ZPBP: variants seen among roughly 807,000 people sequenced by gnomAD.
The protein encoded by ZPBP is zona pellucida-binding protein 1.
In ZPBP, 26 loss-of-function variants were observed where a neutral mutation model predicts 44.8. That is an observed-to-expected ratio of 0.58 (90% CI 0.43 to 0.81). The LOEUF is 0.81. ZPBP is among the 30% of genes least tolerant of loss of function. The probability of loss-of-function intolerance (pLI) is 0.00; values close to 1 mark genes in which losing one functional copy is unlikely to be tolerated. For missense variants in ZPBP, 409 were observed against 434.0 expected (o/e 0.94, Z 0.51); for synonymous variants, 174 against 153.2 (o/e 1.14, Z -1.00).
chr7:49,877,202 C>G (rs986828587), intron 2 of ZPBP, among the ~76,000 whole-genome samples: 3 of 151,820 alleles, frequency 2.0e-5, no homozygotes, highest in African/African-American at 7.3e-5. Context: ...TGGCTCATGC[C>G]TGTAATCCCA....
Position 50,080,790 on chromosome 7 carries a change from A to T in ZPBP, c.334+984T>A, listed in dbSNP as rs1317584519. On this transcript the variant is annotated intron_variant, in intron 3 of 7. Transcript: ENST00000046087. Reference sequence around the variant, plus strand: ...AAACTTATTAGAATTTCTGTTGTTGAGCCCTGCTGATCCCATGAACAAATT... The same window carrying T: ...AAACTTATTAGAATTTCTGTTGTTGTGCCCTGCTGATCCCATGAACAAATT... Among the ~76,000 whole-genome samples, 4 of 151,852 alleles carry T rather than the reference A, an allele frequency of 2.6e-5. No homozygotes were observed. The East Asian group carries it at 7.7e-4, about 29-fold the overall frequency.
At chr7:50,071,117 A>G (rs1018209738) in intron 3 of ZPBP, among the ~76,000 whole-genome samples, 1 of 152,208 alleles carries the variant, frequency 6.6e-6, no homozygotes, top group African/African-American at 2.4e-5. Context: ...TTAAAAATCC[A>G]AAATCACCAA....
intron 1 of ZPBP, among the ~76,000 whole-genome samples, chr7:49,903,206 T>C (rs913011454): frequency 6.6e-6 from 1 of 152,216 alleles, no homozygotes; most frequent in Non-Finnish European, 1.5e-5. Flanking sequence ...CTTATAAAAC[T>C]AAATACTCAG....
At chr7:50,080,024 A>G (rs1167906160) in intron 3 of ZPBP, among the ~76,000 whole-genome samples, 2 of 151,708 alleles carry the variant, frequency 1.3e-5, no homozygotes, top group African/African-American at 4.8e-5. Flanking sequence ...AAACAACTTG[A>G]GTATTTTCTC....
chr7:49,981,285 ATATAATATAT>A (rs1385903382), intron 7 of ZPBP, among the ~76,000 whole-genome samples: 1 of 81,532 alleles, frequency 1.2e-5, no homozygotes, highest in Non-Finnish European at 2.2e-5. Context: ...AATATATATT[ATATAATATAT>A]ATTATATATA....
chr7:50,085,780 C>T (rs1802604687), intron 2 of ZPBP, among the ~76,000 whole-genome samples: 1 of 152,048 alleles, frequency 6.6e-6, no homozygotes, highest in Non-Finnish European at 1.5e-5. Context: ...AACCAAAAAC[C>T]TTAAGAGGAA....
At chr7:50,069,225 G>C (rs1801699292) in intron 3 of ZPBP, among the ~76,000 whole-genome samples, 1 of 152,150 alleles carries the variant, frequency 6.6e-6, no homozygotes, top group Non-Finnish European at 1.5e-5. Context: ...GTAGGGAGGA[G>C]GGGTCTCTAT....
At chr7:50,074,992 AT>A (rs1802011987) in intron 3 of ZPBP, among the ~76,000 whole-genome samples, 1 of 151,958 alleles carries the variant, frequency 6.6e-6, no homozygotes, top group African/African-American at 2.4e-5. Context: ...TACAGAGATC[AT>A]TCTCAAGGAT....
intron 1 of ZPBP, among the ~76,000 whole-genome samples, chr7:49,925,549 T>C (rs1794204235): frequency 6.6e-6 from 1 of 152,258 alleles, no homozygotes; most frequent in South Asian, 2.1e-4. Flanking sequence ...TGATGAAAGA[T>C]GGCCAATGCC....
chr7:49,868,445 C>T lies in ZPBP; in HGVS notation n.510-17931G>A, dbSNP rs116460238. Among the ~76,000 whole-genome samples, 1,142 of 152,246 alleles carry T rather than the reference C, an allele frequency of 7.5e-3. 23 individuals carry two copies. The highest frequency in any genetic ancestry group is 0.026 in the African/African-American group (1,083 of 41,548). ...CACATCTAATTCAGAGCCACCATGTCTACCTGGGGAGTATATGTACTGTAT... is the reference window on the plus strand; with the variant it reads ...CACATCTAATTCAGAGCCACCATGTTTACCTGGGGAGTATATGTACTGTAT... On this transcript the variant is annotated intron_variant and non_coding_transcript_variant, in intron 2 of 2. Transcript: ENST00000465922.
At chr7:49,992,213 C>T (rs139465446) in intron 6 of ZPBP, among the ~76,000 whole-genome samples, 85 of 152,104 alleles carry the variant, frequency 5.6e-4, no homozygotes, top group African/African-American at 1.9e-3. Flanking sequence ...GCTTTATCAA[C>T]CAGAATTATG....
chr7:49,935,317 T>C (rs956881353), downstream of ZPBP, among the ~76,000 whole-genome samples: 7 of 152,072 alleles, frequency 4.6e-5, no homozygotes, highest in Non-Finnish European at 8.8e-5. Flanking sequence ...AACATTTTAC[T>C]ATGAGACCCA....
chr7:49,859,054 C>T (rs371378925), intron 2 of ZPBP, among the ~76,000 whole-genome samples: 2 of 152,204 alleles, frequency 1.3e-5, no homozygotes, highest in East Asian at 3.9e-4. Context: ...ACTAGTGACA[C>T]ATTTTGTTTT....
intron 2 of ZPBP, among the ~76,000 whole-genome samples, chr7:49,886,845 T>C (rs534889223): frequency 2.6e-5 from 4 of 152,216 alleles, no homozygotes; most frequent in Admixed American, 6.5e-5. Flanking sequence ...ATTTAGCCTT[T>C]ATTGCATAGA....
At chr7:50,084,640 A>G (rs1205805817) in intron 2 of ZPBP, among the ~76,000 whole-genome samples, 1 of 152,024 alleles carries the variant, frequency 6.6e-6, no homozygotes, top group East Asian at 1.9e-4. Context: ...AAAACCAATG[A>G]AATATCATAT....
chr7:49,907,335 C>A (rs1793159225), intron 1 of ZPBP, among the ~76,000 whole-genome samples: 1 of 152,032 alleles, frequency 6.6e-6, no homozygotes, highest in South Asian at 2.1e-4. Flanking sequence ...AGTGATAATA[C>A]AACCACACAG....
chr7:49,877,328 G>A (rs1209258178), intron 2 of ZPBP, among the ~76,000 whole-genome samples: 3 of 149,926 alleles, frequency 2.0e-5, no homozygotes, highest in African/African-American at 7.4e-5. Context: ...TGGGCGTGGT[G>A]GCAGACGCCT....
At chr7:50,071,760 T>G (rs7786619) in intron 3 of ZPBP, among the ~76,000 whole-genome samples, 63,385 of 151,820 alleles carry the variant, frequency 0.42, 13,924 homozygotes, top group East Asian at 0.73. Flanking sequence ...TTTCTAGACA[T>G]ACCCTGGGCC....
downstream of ZPBP, among the ~76,000 whole-genome samples, chr7:49,848,733 T>C (rs192247338): frequency 6.6e-6 from 1 of 152,368 alleles, no homozygotes; most frequent in African/African-American, 2.4e-5. Flanking sequence ...TATGAATCAT[T>C]TCTCTCACAG....
Sources: allele counts gnomAD v4.1 joint callset (sites outside exome capture counted in the v4.1 genomes callset), GRCh38; gene constraint gnomAD v4.1.1; transcripts MANE v1.5; gene names NCBI Gene and HGNC (gene_info 2026-07-23, HGNC 2026-07-21).